MASP2: variants seen among roughly 807,000 people sequenced by gnomAD.
The protein encoded by MASP2 is mannan-binding lectin serine protease 2.
Under a neutral mutation model 57.1 loss-of-function variants are expected in MASP2, and 49 were observed. The ratio of observed to expected loss-of-function variants is 0.86; its 90% CI spans 0.68 to 1.09. The LOEUF (loss-of-function observed/expected upper bound fraction) is 1.09, where lower values mean the gene tolerates loss of function less well. Ranked by LOEUF, MASP2 falls within the 50% of genes least tolerant of loss-of-function variation. The pLI, the probability that MASP2 is intolerant of heterozygous loss-of-function variation, is 0.00. For synonymous variants in MASP2, 379 were observed against 340.8 expected, an observed-to-expected ratio of 1.11 and a Z score of -1.24; for missense variants, 900 against 874.8, an observed-to-expected ratio of 1.03 and a Z score of -0.36.
intron 10 of MASP2, among the ~76,000 whole-genome samples, chr1:11,028,699 TTTTTTTC>T (rs1643784263): frequency 1.0e-4 from 3 of 29,326 alleles, no homozygotes; most frequent in South Asian, 9.8e-4. Flanking sequence ...CTTTCTGGGT[TTTTTTTC>T]TTTTTTTTTT....
At chr1:11,040,814 G>A (rs1355242498) in intron 6 of MASP2, among the ~76,000 whole-genome samples, 1 of 150,678 alleles carries the variant, frequency 6.6e-6, no homozygotes, top group African/African-American at 2.4e-5. Flanking sequence ...AGATGGGTAG[G>A]TAGAAGAATG....
Position 11,031,528 on chromosome 1 carries a change from T to TAAAA in MASP2, c.1088-650_1088-647dup, listed in dbSNP as rs565771459. ...TGGGTGACAGAGCAAGACTCTGTCTTAAAAAAAAAAAAAAAAAAGGCTGCA... is the reference window on the plus strand; with the variant it reads ...TGGGTGACAGAGCAAGACTCTGTCTTAAAAAAAAAAAAAAAAAAAAAAGGCTGCA... On this transcript the variant is annotated intron_variant, in intron 8 of 10. Transcript: ENST00000400897. Among the ~76,000 whole-genome samples, 24 of 67,502 alleles carry TAAAA rather than the reference T, an allele frequency of 3.6e-4. 1 individual carries two copies. In the South Asian group the frequency reaches 4.6e-3, roughly 13 times the overall value. 44.3% of individuals were successfully genotyped at this position (67,502 alleles called of 152,430 possible). A position where few individuals can be genotyped will look rare whatever the true frequency, so the allele number is the denominator to read the frequency against.
At chr1:11,038,178 A>G (rs944575815) in intron 6 of MASP2, among the ~76,000 whole-genome samples, 1 of 152,158 alleles carries the variant, frequency 6.6e-6, no homozygotes, top group Non-Finnish European at 1.5e-5. Flanking sequence ...TGGGACTTGC[A>G]TGGGACTGGA....
At chr1:11,041,909 G>A (rs899638522) in intron 6 of MASP2, among the ~76,000 whole-genome samples, 1 of 151,062 alleles carries the variant, frequency 6.6e-6, no homozygotes, top group African/African-American at 2.4e-5. Flanking sequence ...TAGAAGGATG[G>A]ATGGATGGAT....
chr1:11,031,230 A>G (rs540280158), intron 8 of MASP2, among the ~76,000 whole-genome samples: 1 of 151,942 alleles, frequency 6.6e-6, no homozygotes, highest in African/African-American at 2.4e-5. Flanking sequence ...GTCAAATATA[A>G]GAAAGATCTG....
chr1:11,030,725 C>T, intron 9 of MASP2, 23 bp downstream of exon 9: 14 of 1,578,754 alleles, frequency 8.9e-6, no homozygotes, highest in Non-Finnish European at 1.2e-5. Flanking sequence ...TTGCCCACCC[C>T]CAACTTTGAA....
chr1:11,046,376 C>G (rs559303517), intron 3 of MASP2, 180 bp downstream of exon 3: 1 of 678,172 alleles, frequency 1.5e-6, no homozygotes, highest in Admixed American at 2.3e-5. Flanking sequence ...GCACTCAGCC[C>G]ATGTGAATGG....
rs532033548 is a variant in MASP2, at chr1:11,039,142, G to A, written c.890-1331C>T. The stretch of plus-strand genomic sequence containing the variant: ...TCCTAGCTCCTAGCCCCTGTCTGGT[G>A]AGGTCCTCCTTTGGACTCTCACATT... On this transcript the variant is annotated intron_variant, in intron 6 of 10. Transcript: ENST00000400897. Among the ~76,000 whole-genome samples, 12 of 152,342 alleles carry A rather than the reference G, an allele frequency of 7.9e-5. No individual in the cohort carries two copies. The South Asian group carries it at 2.5e-3, about 32-fold the overall frequency.
At chr1:11,028,112 C>T (rs1347528740) in intron 10 of MASP2, among the ~76,000 whole-genome samples, 1 of 151,928 alleles carries the variant, frequency 6.6e-6, no homozygotes, top group African/African-American at 2.4e-5. Flanking sequence ...ATCCCAGCCA[C>T]TTGGGAGGCT....
At chr1:11,028,697 GTTTTTTTTCTT>G (rs1643782243) in intron 10 of MASP2, among the ~76,000 whole-genome samples, 7 of 36,176 alleles carry the variant, frequency 1.9e-4, no homozygotes, top group African/African-American at 7.8e-4. Flanking sequence ...ATCTTTCTGG[GTTTTTTTTCTT>G]TTTTTTTTTT....
chr1:11,030,111 C>A, intron 10 of MASP2, 65 bp downstream of exon 10: 1 of 1,187,658 alleles, frequency 8.4e-7, no homozygotes, highest in Non-Finnish European at 1.2e-6. Context: ...AAGCTCTCCT[C>A]ACTGTCTCCT....
At chr1:11,045,150 T>C (rs1406930857) in intron 4 of MASP2, 7 of 744,744 alleles carry the variant, frequency 9.4e-6, no homozygotes, top group Non-Finnish European at 1.7e-5. Context: ...ACATGAGGGG[T>C]TCCCAGAGCC....
At chr1:11,035,712 TAGTG>T (rs760329504) in intron 7 of MASP2, among the ~76,000 whole-genome samples, 1 of 151,164 alleles carries the variant, frequency 6.6e-6, no homozygotes, top group Non-Finnish European at 1.5e-5. Context: ...CTGGGCAACA[TAGTG>T]AGACCCCCAC....
At chr1:11,044,955 T>G (rs1312714479) in intron 4 of MASP2, 1 of 1,609,830 alleles carries the variant, frequency 6.2e-7, no homozygotes, top group African/African-American at 1.3e-5. Flanking sequence ...GGCTCTGCTC[T>G]GGAAGAGAGA....
At chr1:11,028,918 T>C (rs1441905988) in intron 10 of MASP2, among the ~76,000 whole-genome samples, 1 of 150,954 alleles carries the variant, frequency 6.6e-6, no homozygotes, top group African/African-American at 2.4e-5. Flanking sequence ...TTTCACCGTT[T>C]TAGCCAGACT....
chr1:11,044,749 C>T (rs900857858), intron 4 of MASP2: 55 of 1,461,756 alleles, frequency 3.8e-5, no homozygotes, highest in Non-Finnish European at 4.9e-5. Flanking sequence ...GAGAGGAGCG[C>T]ACCCCGCCGC....
intron 6 of MASP2, among the ~76,000 whole-genome samples, chr1:11,039,733 A>T (rs905007189): frequency 7.5e-5 from 11 of 146,380 alleles, no homozygotes; most frequent in Non-Finnish European, 1.7e-4. Context: ...GATAGCTGGA[A>T]GGATGGATGG....
intron 9 of MASP2, 40 bp downstream of exon 9, chr1:11,030,708 C>G: frequency 6.4e-7 from 1 of 1,552,584 alleles, no homozygotes; most frequent in South Asian, 1.2e-5. Flanking sequence ...GGCTCAAGTT[C>G]CAAGTATTGC....
In MASP2 at chr1:11,026,950, A is replaced by C. The variant is rs535938819; in HGVS notation, c.1996T>G (p.Tyr666Asp). 1 of 1,540,300 alleles carries C rather than the reference A, an allele frequency of 6.5e-7. No homozygotes were observed. Among genetic ancestry groups the C allele is most frequent in the South Asian group, 1.3e-5 (1 of 77,708 alleles). ...TTAATAACTTTTGTGTAGACTCCATACTGACCTGCTTCCCCACAATTCATG... is the reference window on the plus strand; with the variant it reads ...TTAATAACTTTTGTGTAGACTCCATCCTGACCTGCTTCCCCACAATTCATG... ...GSMNCGEAGQYGVYTKVINYI... is the reference protein window; with the variant it reads ...GSMNCGEAGQDGVYTKVINYI... The change falls in exon 11 of 11, where the codon TAT becomes GAT. Residue 666 changes from tyrosine (Y) to aspartate (D), a missense_variant. Coordinates refer to ENST00000400897, the MANE Select transcript of MASP2 (RefSeq NM_006610.4).
Sources: allele counts gnomAD v4.1 joint callset (sites outside exome capture counted in the v4.1 genomes callset), GRCh38; gene constraint gnomAD v4.1.1; transcripts MANE v1.5; gene names NCBI Gene and HGNC (gene_info 2026-07-23, HGNC 2026-07-21).